The following BCR variants were observed in gnomAD, a reference collection of about 807,000 sequenced individuals.
BCR encodes the protein breakpoint cluster region protein.
Under a neutral mutation model 138.6 loss-of-function variants are expected in BCR, and 58 were observed. The observed-to-expected ratio is 0.42, with a 90% CI of 0.34 to 0.52. BCR has a LOEUF of 0.52. BCR is among the 20% of genes least tolerant of loss of function. The probability of loss-of-function intolerance (pLI) is 0.06; values close to 1 mark genes in which losing one functional copy is unlikely to be tolerated. For synonymous variants in BCR, 786 were observed against 730.1 expected, an observed-to-expected ratio of 1.08 and a Z score of -1.23; for missense variants, 1,599 against 1,727.2, an observed-to-expected ratio of 0.93 and a Z score of 1.32.
Position 23,181,063 on chromosome 22 carries a change from C to G in BCR, c.103C>G (p.Leu35Val). 6.6e-7 allele frequency: 1 copy of G among 1,522,928 alleles called. No individual in the cohort carries two copies. The highest frequency in any genetic ancestry group is 8.8e-7 in the Non-Finnish European group (1 of 1,130,278). 94.3% of individuals were successfully genotyped at this position (1,522,928 alleles called of 1,614,324 possible). ...CTCAGTGGGCGACATCGAGCAGGAG[C>G]TGGAGCGCTGCAAGGCCTCCATTCG... ...LRSVGDIEQE[L>V]ERCKASIRRL... is the part of the protein sequence containing the mutation. Residue 35 changes from leucine to valine, a missense_variant, in exon 1 of 23, where the codon CTG becomes GTG. Around this residue, in one of 4 missense-constraint regions of BCR, gnomAD observed 806 missense variants for 635.0 expected, o/e 1.27. Coordinates refer to ENST00000305877, the MANE Select transcript of BCR (RefSeq NM_004327.4).
intron 1 of BCR, among the ~76,000 whole-genome samples, chr22:23,235,893 C>A (rs1477025480): frequency 6.6e-6 from 1 of 152,164 alleles, no homozygotes; most frequent in Non-Finnish European, 1.5e-5. Context: ...ATGAGGGTTC[C>A]GTCCTCCTGA....
At chr22:23,200,368 G>T (rs1406301136) in intron 1 of BCR, among the ~76,000 whole-genome samples, 1 of 152,022 alleles carries the variant, frequency 6.6e-6, no homozygotes, top group Non-Finnish European at 1.5e-5. Flanking sequence ...CCAGGCTGGT[G>T]CAGTGGCACA....
intron 4 of BCR, chr22:23,264,271 G>A (rs1262238079): frequency 1.1e-6 from 1 of 926,754 alleles, no homozygotes; most frequent in East Asian, 2.4e-5. Flanking sequence ...CGCCTCGGCA[G>A]CCCTGTGTAC....
chr22:23,182,139 G>C lies in BCR; in HGVS notation c.1179G>C (p.Arg393=), dbSNP rs2072277026. 6.2e-7 allele frequency: 1 copy of C among 1,610,346 alleles called. No individual in the cohort carries two copies. The highest frequency in any genetic ancestry group is 1.3e-5 in the African/African-American group (1 of 74,946). ...PPTPQCHKRH[R]HCPVVVSEAT... ...CGCCGCAGTGCCATAAGCGGCACCG[G>C]CACTGCCCGGTTGTCGTGTCCGAGG... is the stretch of plus-strand genomic sequence containing the variant. The change falls in exon 1 of 23, where the codon CGG becomes CGC. Residue 393 remains arginine (R), a synonymous_variant. Transcript: ENST00000305877.
intron 3 of BCR, 51 bp downstream of exon 3, chr22:23,261,105 G>C (rs763924204): frequency 3.2e-5 from 50 of 1,557,692 alleles, no homozygotes; most frequent in Admixed American, 5.2e-5. Flanking sequence ...AGGGTGACAG[G>C]GTTGGGGAGC....
chr22:23,254,129 A>G lies in BCR; in HGVS notation c.1461+149A>G, dbSNP rs2073266093. 15 of 870,170 alleles carry G rather than the reference A, an allele frequency of 1.7e-5. No homozygotes were observed. The South Asian group carries it at 2.5e-4, about 14-fold the overall frequency. 53.9% of individuals were successfully genotyped at this position (870,170 alleles called of 1,614,324 possible). On this transcript the variant is annotated intron_variant, in intron 2 of 22. Coordinates refer to ENST00000305877, the MANE Select transcript of BCR (RefSeq NM_004327.4). Reference sequence around the variant, plus strand: ...CACCAAAAACTCCTTCCTCATCTCTACATGTGGTACACAGACAGCCTGCCA... The same window carrying G: ...CACCAAAAACTCCTTCCTCATCTCTGCATGTGGTACACAGACAGCCTGCCA...
chr22:23,192,232 G>T (rs1260924856), intron 1 of BCR, among the ~76,000 whole-genome samples: 1 of 151,596 alleles, frequency 6.6e-6, no homozygotes, highest in East Asian at 1.9e-4. Context: ...TGAGTCTGAG[G>T]GGGTATGAGA....
intron 1 of BCR, among the ~76,000 whole-genome samples, chr22:23,214,128 T>C (rs548178665): frequency 6.6e-6 from 1 of 152,162 alleles, no homozygotes; most frequent in Non-Finnish European, 1.5e-5. Flanking sequence ...CATTTTATTG[T>C]TGTTATCGTA....
At chr22:23,268,307 G>A in intron 4 of BCR, 101 bp from the exon 5 acceptor site, 2 of 938,420 alleles carry the variant, frequency 2.1e-6, no homozygotes, top group Non-Finnish European at 3.2e-6. Flanking sequence ...GCCGTCTGCT[G>A]TCCCTGGAGT....
intron 4 of BCR, chr22:23,263,722 C>A: frequency 7.1e-7 from 1 of 1,410,746 alleles, no homozygotes; most frequent in Non-Finnish European, 1.0e-6. Flanking sequence ...GGCTCATGAA[C>A]AGGAGGTGAA....
At position 23,181,384 on chromosome 22, in the gene BCR, C is replaced by T; in HGVS notation, c.424C>T (p.Arg142Trp). 1.9e-6 allele frequency: 3 copies of T among 1,539,096 alleles called. No individual in the cohort carries two copies. The highest frequency in any genetic ancestry group is 2.6e-6 in the Non-Finnish European group (3 of 1,146,500). ...RRPGAAASGE[R>W]DDRGPPASVA... ...GCCCGGGGCAGCCGCGTCGGGGGAA[C>T]GGGACGACCGGGGACCCCCCGCCAG... is the stretch of plus-strand genomic sequence containing the variant. Residue 142 changes from arginine to tryptophan, a missense_variant, in exon 1 of 23, where the codon CGG becomes TGG. By Grantham distance (101) the Arg-to-Trp change is moderately radical. Transcript: ENST00000305877.
At chr22:23,188,035 A>C (rs1279092741) in intron 1 of BCR, among the ~76,000 whole-genome samples, 1 of 152,106 alleles carries the variant, frequency 6.6e-6, no homozygotes, top group Non-Finnish European at 1.5e-5. Context: ...AACCAGTTTG[A>C]GTGAGTAACT....
At chr22:23,307,375 A>C (rs1395427760) in intron 16 of BCR, among the ~76,000 whole-genome samples, 1 of 151,454 alleles carries the variant, frequency 6.6e-6, no homozygotes, top group Non-Finnish European at 1.5e-5. Flanking sequence ...AAGTGCTGAT[A>C]TCACAGGCAG....
At chr22:23,229,587 T>C (rs1020849382) in intron 1 of BCR, among the ~76,000 whole-genome samples, 2 of 152,230 alleles carry the variant, frequency 1.3e-5, no homozygotes, top group African/African-American at 4.8e-5. Flanking sequence ...CACCCTGCTG[T>C]TGACCACTGA....
intron 11 of BCR, 22 bp from the exon 12 acceptor site, chr22:23,288,075 G>A (rs2073738673): frequency 6.2e-7 from 1 of 1,612,222 alleles, no homozygotes. Flanking sequence ...ATAACTGGGT[G>A]TGTTCTTCTT....
intron 16 of BCR, among the ~76,000 whole-genome samples, chr22:23,296,972 G>A (rs1038295901): frequency 6.6e-6 from 1 of 152,120 alleles, no homozygotes; most frequent in Non-Finnish European, 1.5e-5. Flanking sequence ...GTCAAATGAC[G>A]GTCATAGTTT....
intron 1 of BCR, among the ~76,000 whole-genome samples, chr22:23,197,400 T>C (rs925270241): frequency 6.6e-6 from 1 of 152,268 alleles, no homozygotes; most frequent in East Asian, 1.9e-4. Context: ...TAATAAAATA[T>C]AAATGCTTTG....
At chr22:23,258,131 C>G (rs1466911235) in intron 2 of BCR, among the ~76,000 whole-genome samples, 3 of 152,182 alleles carry the variant, frequency 2.0e-5, no homozygotes, top group Admixed American at 2.0e-4. Flanking sequence ...CCCCCCCACA[C>G]ACATGTACGT....
In BCR at chr22:23,251,001, G is replaced by A. The variant is rs141141187; in HGVS notation, c.1280-2798G>A. ...ACTGAGCGTTAATAACCAACATAGC[G>A]ATCTTGGTACCTGGAGCCCCCTCGA... is the stretch of plus-strand genomic sequence containing the variant. On this transcript the variant is annotated intron_variant, in intron 1 of 22. Coordinates refer to ENST00000305877, the MANE Select transcript of BCR (RefSeq NM_004327.4). 3 of 152,286 alleles carry A rather than the reference G, an allele frequency of 2.0e-5. No homozygotes were observed. In the East Asian group the frequency reaches 5.8e-4, roughly 29 times the overall value. 9.4% of individuals were successfully genotyped at this position (152,286 alleles called of 1,614,324 possible). A position where few individuals can be genotyped will look rare whatever the true frequency, so the allele number is the denominator to read the frequency against.
Sources: gnomAD v4.1 joint callset for allele counts (sites outside exome capture counted in the v4.1 genomes callset) on GRCh38, gnomAD v4.1.1 for gene constraint, gnomAD v4.1.1 regional missense constraint, MANE v1.5 for transcripts, NCBI Gene and HGNC (gene_info 2026-07-23, HGNC 2026-07-21) for gene names.